The following TMEM132C variants were observed in gnomAD, a reference collection of about 807,000 sequenced individuals.
TMEM132C encodes the protein protein phosphatase 1, regulatory subunit 152.
A neutral mutation model predicts 61.4 loss-of-function variants in TMEM132C; 29 were observed. The observed-to-expected ratio is 0.47, with a 90% CI of 0.35 to 0.64. TMEM132C has a LOEUF of 0.64. Among genes scored for constraint, TMEM132C ranks in the 30% least tolerant of loss-of-function variants. The pLI is 0.00. For missense variants in TMEM132C, 1,408 were observed against 1,476.9 expected (o/e 0.95, Z 0.76); for synonymous variants, 656 against 633.1 (o/e 1.04, Z -0.54).
intron 4 of TMEM132C, among the ~76,000 whole-genome samples, chr12:128,620,420 G>T (rs61940561): frequency 6.6e-6 from 1 of 152,102 alleles, no homozygotes; most frequent in African/African-American, 2.4e-5. Flanking sequence ...CTAAGGTGAG[G>T]TCCAGATAGT....
chr12:128,389,084 G>A (rs1464087781), intron 1 of TMEM132C, among the ~76,000 whole-genome samples: 3 of 152,118 alleles, frequency 2.0e-5, no homozygotes, highest in South Asian at 2.1e-4. Flanking sequence ...AAATGAGTCC[G>A]GGGTACCCAG....
intron 4 of TMEM132C, among the ~76,000 whole-genome samples, chr12:128,657,803 T>G (rs1353901650): frequency 6.6e-6 from 1 of 152,198 alleles, no homozygotes; most frequent in Non-Finnish European, 1.5e-5. Flanking sequence ...ACTTGGTGAA[T>G]CAGGACATTC....
intron 3 of TMEM132C, among the ~76,000 whole-genome samples, chr12:128,577,953 C>T (rs999729621): frequency 6.6e-6 from 1 of 152,206 alleles, no homozygotes; most frequent in East Asian, 1.9e-4. Flanking sequence ...TTGCCATATC[C>T]GCAGGTCATT....
intron 3 of TMEM132C, among the ~76,000 whole-genome samples, chr12:128,615,610 C>T (rs1876774009): frequency 6.6e-6 from 1 of 152,162 alleles, no homozygotes; most frequent in Admixed American, 6.5e-5. Context: ...AATGCTGCCA[C>T]TGACCTGACA....
At chr12:128,519,970 C>T (rs951107921) in intron 2 of TMEM132C, among the ~76,000 whole-genome samples, 16 of 152,232 alleles carry the variant, frequency 1.1e-4, no homozygotes, top group Non-Finnish European at 4.4e-5. Context: ...ATTTCAAGCT[C>T]ATTGGTTTTC....
intron 3 of TMEM132C, among the ~76,000 whole-genome samples, chr12:128,563,402 A>T (rs1195979042): frequency 6.6e-6 from 1 of 152,176 alleles, no homozygotes; most frequent in African/African-American, 2.4e-5. Context: ...GTGGGCTTGT[A>T]AAAGTTTTCA....
chr12:128,385,697 A>C (rs928096083), intron 1 of TMEM132C, among the ~76,000 whole-genome samples: 3 of 152,216 alleles, frequency 2.0e-5, no homozygotes, highest in African/African-American at 7.2e-5. Context: ...ACCATCTCTG[A>C]AGTTAAAAAG....
At chr12:128,652,115 C>CCTTA (rs1954276775) in intron 4 of TMEM132C, among the ~76,000 whole-genome samples, 1 of 152,154 alleles carries the variant, frequency 6.6e-6, no homozygotes, top group Admixed American at 6.5e-5. Flanking sequence ...ACCTCTCTAT[C>CCTTA]CTTAGGGTTT....
chr12:128,341,958 C>G lies in TMEM132C; in HGVS notation c.86-72774C>G, dbSNP rs566349345. Among the ~76,000 whole-genome samples the G allele has an allele frequency of 2.0e-5, 3 of 152,248 alleles. No homozygotes were observed. In the South Asian group the frequency reaches 6.2e-4, roughly 32 times the overall value. Reference sequence around the variant, plus strand: ...TCCTGCTGTCTTCTCTCTCTTTCCACTACCACAGTCAACTCCACCTTCCAG... The same window carrying G: ...TCCTGCTGTCTTCTCTCTCTTTCCAGTACCACAGTCAACTCCACCTTCCAG... On this transcript the variant is annotated intron_variant, in intron 1 of 8. Coordinates refer to ENST00000435159, the MANE Select transcript of TMEM132C (RefSeq NM_001136103.3).
chr12:128,592,154 G>A (rs1377621489), intron 3 of TMEM132C, among the ~76,000 whole-genome samples: 1 of 151,964 alleles, frequency 6.6e-6, no homozygotes, highest in East Asian at 1.9e-4. Flanking sequence ...GTAGCTAGCA[G>A]CTGCCCCTTT....
chr12:128,404,221 C>T (rs986683138), intron 1 of TMEM132C, among the ~76,000 whole-genome samples: 1 of 152,130 alleles, frequency 6.6e-6, no homozygotes, highest in Non-Finnish European at 1.5e-5. Flanking sequence ...TTATTTTTAT[C>T]CAATTCAAGA....
intron 1 of TMEM132C, among the ~76,000 whole-genome samples, chr12:128,275,209 A>C (rs556941878): frequency 6.6e-6 from 1 of 152,290 alleles, no homozygotes; most frequent in South Asian, 2.1e-4. Context: ...GCCTATTAGG[A>C]ACTAGGCTGC....
At chr12:128,295,769 CAATTAA>C (rs1260864321) in intron 1 of TMEM132C, among the ~76,000 whole-genome samples, 1 of 139,664 alleles carries the variant, frequency 7.2e-6, no homozygotes, top group Non-Finnish European at 1.5e-5. Context: ...TTTTAAGCAC[CAATTAA>C]AAAAAAAAAA....
chr12:128,651,713 A>G (rs566873228), intron 4 of TMEM132C, among the ~76,000 whole-genome samples: 4 of 152,156 alleles, frequency 2.6e-5, no homozygotes, highest in Admixed American at 1.3e-4. Flanking sequence ...AGGGAATGGG[A>G]ATGGGGGGTG....
chr12:128,443,122 C>T (rs557873523), intron 2 of TMEM132C, among the ~76,000 whole-genome samples: 25 of 150,746 alleles, frequency 1.7e-4, no homozygotes, highest in Admixed American at 1.3e-3. Flanking sequence ...TGTGTGTATA[C>T]GTATACATAT....
intron 1 of TMEM132C, among the ~76,000 whole-genome samples, chr12:128,391,440 A>G (rs561370677): frequency 1.3e-5 from 2 of 152,320 alleles, no homozygotes; most frequent in South Asian, 2.1e-4. Context: ...CCCTCAGGAA[A>G]GGTACCTTCA....
rs1211765089 is a variant in TMEM132C at position 128,614,183 on chromosome 12, C to G, written c.1122-1969C>G. On this transcript the variant is annotated intron_variant, in intron 3 of 8. Coordinates refer to ENST00000435159, the MANE Select transcript of TMEM132C (RefSeq NM_001136103.3). ...TATTGATCAACAGCTCTACAAAGCT[C>G]GGCCAACTTCCCCTTCTCTGACCTT... Among the ~76,000 whole-genome samples the G allele has an allele frequency of 3.3e-5, 5 of 152,330 alleles. 1 individual carries two copies. The South Asian group carries it at 6.2e-4, about 19-fold the overall frequency.
At position 128,645,118 on chromosome 12, in the gene TMEM132C, G is replaced by A. The variant is rs553755424; in HGVS notation, c.1306-24299G>A. Among the ~76,000 whole-genome samples the A allele has an allele frequency of 1.5e-4, 23 of 152,278 alleles. 1 individual carries two copies. In the South Asian group the frequency reaches 3.5e-3, roughly 23 times the overall value. On this transcript the variant is annotated intron_variant, in intron 4 of 8. Transcript: ENST00000435159. ...CAGATCAGAGGCGACCCTGAGGGGGGACTCCTGGCCGCACTGGAGAAAGCC... is the reference window on the plus strand; with the variant it reads ...CAGATCAGAGGCGACCCTGAGGGGGAACTCCTGGCCGCACTGGAGAAAGCC...
rs375305036 is a variant in TMEM132C, at chr12:128,308,100, TGG to T, written c.85+40615_85+40616del. On this transcript the variant is annotated intron_variant, in intron 1 of 8. Transcript: ENST00000435159. Reference sequence around the variant, plus strand: ...AGGAAACAGTGCTTCTCTTTACACCTGGGTTGTGAGTCCTGGAGCTGCAGGTG... The same window carrying T: ...AGGAAACAGTGCTTCTCTTTACACCTGTTGTGAGTCCTGGAGCTGCAGGTG... Among the ~76,000 whole-genome samples the T allele has an allele frequency of 4.4e-3, 663 of 152,294 alleles. 5 individuals carry two copies. Among genetic ancestry groups the T allele is most frequent in the African/African-American group, 0.015 (614 of 41,576 alleles).
Sources: gnomAD v4.1 joint callset for allele counts (sites outside exome capture counted in the v4.1 genomes callset) on GRCh38, gnomAD v4.1.1 for gene constraint, MANE v1.5 for transcripts, NCBI Gene and HGNC (gene_info 2026-07-23, HGNC 2026-07-21) for gene names.